CLCF1: variants seen among roughly 807,000 people sequenced by gnomAD.
CLCF1 encodes cardiotrophin-like cytokine factor 1.
A neutral mutation model predicts 21.2 loss-of-function variants in CLCF1; 10 were observed. That is an observed-to-expected ratio of 0.47 (90% CI 0.29 to 0.80). The LOEUF (loss-of-function observed/expected upper bound fraction) is 0.80. Among genes scored for constraint, CLCF1 ranks in the 30% least tolerant of loss-of-function variants. The probability of loss-of-function intolerance (pLI) is 0.09; values close to 1 mark genes in which losing one functional copy is unlikely to be tolerated. For missense variants in CLCF1, 240 were observed against 293.4 expected, an observed-to-expected ratio of 0.82 and a Z score of 1.33; for synonymous variants, 115 against 120.5, an observed-to-expected ratio of 0.95 and a Z score of 0.30.
rs903508737 is a variant in CLCF1, at chr11:67,365,002, G to T, written c.*134C>A. On this transcript the variant is annotated 3_prime_UTR_variant, in exon 3 of 3. Transcript: ENST00000312438. This position sits in a 1 kb window ranked among gnomAD's most constrained non-coding sequence, Gnocchi z 5.0. ...GGAGACAGGGCTGATCGCATCACACGCCCAGCCGGTCCAGGAAAGGGCCAG... is the reference window on the plus strand; with the variant it reads ...GGAGACAGGGCTGATCGCATCACACTCCCAGCCGGTCCAGGAAAGGGCCAG... 6.8e-6 allele frequency: 10 copies of T among 1,473,088 alleles called. No homozygotes were observed. The African/African-American group carries it at 8.3e-5, about 12-fold the overall frequency. 91.3% of individuals were successfully genotyped at this position (1,473,088 alleles called of 1,614,324 possible).
chr11:67,370,267 C>T (rs1862200654), intron 1 of CLCF1: 10 of 985,342 alleles, frequency 1.0e-5, no homozygotes, highest in Non-Finnish European at 1.1e-5. Flanking sequence ...CACAGCTCGC[C>T]TGCCTCCTGA....
intron 1 of CLCF1, chr11:67,370,868 C>A: frequency 1.0e-6 from 1 of 985,310 alleles, no homozygotes. Context: ...ATAAGAGCTA[C>A]GCTAAGAACT....
intron 1 of CLCF1, chr11:67,368,966 A>G (rs1407100263): frequency 5.3e-5 from 44 of 836,178 alleles, no homozygotes; most frequent in Non-Finnish European, 6.0e-5. Flanking sequence ...CCTATAGTTC[A>G]TATTTTATAC....
intron 1 of CLCF1, 38 bp downstream of exon 1, chr11:67,373,486 C>T (rs1862281569): frequency 3.6e-6 from 4 of 1,121,988 alleles, no homozygotes; most frequent in Non-Finnish European, 2.5e-6. Flanking sequence ...GGCTGCTTGG[C>T]GGGGCGGGGG....
upstream of CLCF1, chr11:67,373,605 C>T (rs1862284627): frequency 4.7e-6 from 6 of 1,287,386 alleles, no homozygotes; most frequent in East Asian, 1.3e-4. Flanking sequence ...GGAGGGCGAG[C>T]CGCGGCTCCG....
chr11:67,368,753 G>A (rs989904675), intron 1 of CLCF1: 2 of 985,144 alleles, frequency 2.0e-6, no homozygotes, highest in Middle Eastern at 5.2e-4. Flanking sequence ...GGTGAGGTCT[G>A]GGCAGGCAGA....
In CLCF1 at chr11:67,372,016, GTC is replaced by G. The variant is rs1862246392; in HGVS notation, c.16+1506_16+1507del. Among the ~76,000 whole-genome samples the G allele has an allele frequency of 6.6e-6, 1 of 152,130 alleles. No homozygotes were observed. The highest frequency in any genetic ancestry group is 1.5e-5 in the Non-Finnish European group (1 of 68,000). On this transcript the variant is annotated intron_variant, in intron 1 of 2. Transcript: ENST00000312438. The surrounding 1 kb of genome is among the most constrained non-coding windows in gnomAD (Gnocchi z 5.9). ...CGTGTGGCTCCAGGGCAGCGAGGGT[GTC>G]TGAGCTGGCCAGGAGCGCGTCTGGT...
chr11:67,373,706 C>A, upstream of CLCF1: 4 of 1,215,794 alleles, frequency 3.3e-6, no homozygotes, highest in Non-Finnish European at 3.1e-6. Flanking sequence ...GTGGGACATT[C>A]TGCAAACTTT....
chr11:67,369,654 A>G (rs1862187924), intron 1 of CLCF1: 2 of 985,456 alleles, frequency 2.0e-6, no homozygotes, highest in Non-Finnish European at 2.4e-6. Context: ...CGCTTTCAGC[A>G]TCGAGTCTGG....
At chr11:67,366,621 GA>G (rs1216660152) in intron 2 of CLCF1, among the ~76,000 whole-genome samples, 1 of 152,118 alleles carries the variant, frequency 6.6e-6, no homozygotes, top group Admixed American at 6.5e-5. Flanking sequence ...GTATAACTGG[GA>G]AAGAAGGGAG....
At chr11:67,366,039 C>T (rs1862089659) in intron 2 of CLCF1, among the ~76,000 whole-genome samples, 1 of 152,056 alleles carries the variant, frequency 6.6e-6, no homozygotes, top group Non-Finnish European at 1.5e-5. Flanking sequence ...AAGAGGAGTT[C>T]GAGAAGGCAG....
At position 67,372,115 on chromosome 11, in the gene CLCF1, G is replaced by A. The variant is rs981680597; in HGVS notation, c.16+1409C>T. ...CGTGTGCTCCCGAGCTGTGGCGGAG[G>A]TCAGTCGGGGTCAGTGAAAGCACAG... On this transcript the variant is annotated intron_variant, in intron 1 of 2. Coordinates refer to ENST00000312438, the MANE Select transcript of CLCF1 (RefSeq NM_013246.3). This position sits in a 1 kb window ranked among gnomAD's most constrained non-coding sequence, Gnocchi z 5.9. Among the ~76,000 whole-genome samples, 2 of 152,134 alleles carry A rather than the reference G, an allele frequency of 1.3e-5. No homozygotes were observed. Among genetic ancestry groups the A allele is most frequent in the Non-Finnish European group, 2.9e-5 (2 of 67,996 alleles).
At position 67,365,056 on chromosome 11, in the gene CLCF1, A is replaced by G. The variant is rs778265043; in HGVS notation, c.*80T>C. 6 of 1,603,390 alleles carry G rather than the reference A, an allele frequency of 3.7e-6. No individual in the cohort carries two copies. The Admixed American group carries it at 6.7e-5, about 18-fold the overall frequency. On this transcript the variant is annotated 3_prime_UTR_variant, in exon 3 of 3. Coordinates refer to ENST00000312438, the MANE Select transcript of CLCF1 (RefSeq NM_013246.3). The surrounding 1 kb of genome is among the most constrained non-coding windows in gnomAD (Gnocchi z 5.0). ...CTCACAGCTTCTGTCTCCTGGCTCA[A>G]CAGGTGTTGGCATACAGGGCTGGCT...
chr11:67,370,658 A>G, intron 1 of CLCF1: 1 of 983,304 alleles, frequency 1.0e-6, no homozygotes, highest in Non-Finnish European at 1.2e-6. Context: ...CAAGGAAGTG[A>G]CTGGCCACCC....
chr11:67,371,101 C>A (rs932817324), intron 1 of CLCF1: 4 of 985,212 alleles, frequency 4.1e-6, no homozygotes, highest in Admixed American at 6.1e-5. Context: ...GAGGTCCAGG[C>A]ATTGTGACGG....
chr11:67,365,383 A>G lies in CLCF1; in HGVS notation c.431T>C (p.Leu144Pro). Residue 144 changes from leucine (L) to proline (P), a missense_variant, in exon 3 of 3, where the codon CTG (leucine) becomes CCG (proline). Physicochemically the swap from Leu to Pro is moderately conservative, Grantham distance 98. Coordinates refer to ENST00000312438, the MANE Select transcript of CLCF1 (RefSeq NM_013246.3). The surrounding 1 kb of genome is among the most constrained non-coding windows in gnomAD (Gnocchi z 5.0). The part of the protein sequence containing the change: ...AHFCTSLQGL[L>P]GSIAGVMAAL... ...TGCCATGACGCCCGCAATGCTGCCC[A>G]GCAGGCCCTGGAGGCTGGTGCAGAA... The G allele has an allele frequency of 6.2e-7, 1 of 1,613,006 alleles. No individual in the cohort carries two copies. Among genetic ancestry groups the G allele is most frequent in the Non-Finnish European group, 8.5e-7 (1 of 1,179,478 alleles).
chr11:67,366,420 G>A (rs1361016347), intron 2 of CLCF1, among the ~76,000 whole-genome samples: 8 of 152,162 alleles, frequency 5.3e-5, no homozygotes, highest in Non-Finnish European at 1.2e-4. Context: ...GGGGAGAGAC[G>A]GGTACTCACT....
chr11:67,366,892 G>C (rs973081054), intron 2 of CLCF1, among the ~76,000 whole-genome samples: 1 of 151,954 alleles, frequency 6.6e-6, no homozygotes, highest in Admixed American at 6.5e-5. Flanking sequence ...AACACCTCTG[G>C]ACCACCCCCA....
chr11:67,373,529 CG>C lies in CLCF1; in HGVS notation c.10del (p.Arg4GlufsTer9). The C allele has an allele frequency of 7.0e-7, 1 of 1,432,246 alleles. No homozygotes were observed. Among genetic ancestry groups the C allele is most frequent in the Non-Finnish European group, 9.2e-7 (1 of 1,091,678 alleles). The allele number at this position is 1,432,246 out of a possible 1,614,324, so 88.7% of individuals were successfully genotyped here. MDL[R>X]AGDSWGMLAC... ...CTCGGCCGCCTGGCTCCTACCTGCT[CG>C]GAGGTCCATGGGGCTGGGGCCGGGC... On this transcript the variant is annotated frameshift_variant, in exon 1 of 3. Coordinates refer to ENST00000312438, the MANE Select transcript of CLCF1 (RefSeq NM_013246.3). LOFTEE classifies it high-confidence loss of function.
Sources: allele counts gnomAD v4.1 joint callset (sites outside exome capture counted in the v4.1 genomes callset), GRCh38; gene constraint gnomAD v4.1.1; non-coding constraint Gnocchi (gnomAD v3.1); transcripts MANE v1.5; gene names NCBI Gene and HGNC (gene_info 2026-07-23, HGNC 2026-07-21).